Variants in FN3K observed in about 807,000 individuals in gnomAD.
FN3K encodes the protein fructosamine 3 kinase, also known as fructosamine-3-kinase.
FN3K carries 24 observed loss-of-function variants against 24.8 expected under a neutral mutation model. That is an observed-to-expected ratio of 0.97 (90% CI 0.70 to 1.36). FN3K has a LOEUF of 1.36. FN3K is among the 40% of genes most tolerant of loss of function. FN3K has a pLI of 0.00. For missense variants in FN3K, 449 were observed against 416.7 expected (o/e 1.08, Z -0.67); for synonymous variants, 192 against 175.2 (o/e 1.10, Z -0.76).
At chr17:82,736,965 C>T (rs1720425216) in intron 1 of FN3K, among the ~76,000 whole-genome samples, 1 of 152,116 alleles carries the variant, frequency 6.6e-6, no homozygotes, top group African/African-American at 2.4e-5. Context: ...GCTGCTCAGT[C>T]CATGCATAAG....
chr17:82,737,662 G>A (rs141109207), intron 1 of FN3K: 1,896 of 152,204 alleles, frequency 0.012, 22 homozygotes, highest in Non-Finnish European at 0.017. Context: ...AAAACACAGC[G>A]GGGTGGGGTG....
At position 82,750,480 on chromosome 17, in the gene FN3K, T is replaced by C. The variant is rs2047004501; in HGVS notation, c.655T>C (p.Trp219Arg). Residue 219 changes from tryptophan to arginine, a missense_variant, in exon 6 of 6, where the codon TGG becomes CGG. Trp to Arg is a moderately radical substitution (Grantham distance 101). Coordinates refer to ENST00000300784, the MANE Select transcript of FN3K (RefSeq NM_022158.4). Reference protein sequence around the residue: ...IVPALLHGDLWSGNVAEDDVG... With the variant: ...IVPALLHGDLRSGNVAEDDVG... ...CCCCGCGTTGCTCCACGGGGATCTC[T>C]GGTCGGGAAACGTGGCTGAGGACGA... is the stretch of plus-strand genomic sequence containing the variant. The C allele has an allele frequency of 1.2e-6, 2 of 1,614,204 alleles. No individual in the cohort carries two copies. Among genetic ancestry groups the C allele is most frequent in the Non-Finnish European group, 1.7e-6 (2 of 1,180,034 alleles).
Position 82,735,758 on chromosome 17 carries a change from A to T in FN3K, c.122A>T (p.Lys41Ile), listed in dbSNP as rs1467499277. The T allele has an allele frequency of 1.3e-6, 2 of 1,564,320 alleles. No individual in the cohort carries two copies. The highest frequency in any genetic ancestry group is 1.9e-5 in the Admixed American group (1 of 51,926). The change falls in exon 1 of 6, where the codon AAA (lysine) becomes ATA (isoleucine). Residue 41 changes from lysine to isoleucine, a missense_variant. Physicochemically the swap from Lys to Ile is moderately radical, Grantham distance 102 (BLOSUM62 -3). Transcript: ENST00000300784. ...ACGGACGCAGGCCCAGTGTTCGTCA[A>T]AGTCAACCGCAGGACGCAGGTGCTG... ...YDTDAGPVFVKVNRRTQARQM... is the reference protein window; with the variant it reads ...YDTDAGPVFVIVNRRTQARQM...
chr17:82,735,654 C>G lies in FN3K; in HGVS notation c.18C>G (p.Arg6=). 3 of 1,537,556 alleles carry G rather than the reference C, an allele frequency of 2.0e-6. No individual in the cohort carries two copies. The highest frequency in any genetic ancestry group is 2.6e-6 in the Non-Finnish European group (3 of 1,148,598). The change falls in exon 1 of 6, where the codon CGC becomes CGG. Residue 6 remains arginine, a synonymous_variant. Coordinates refer to ENST00000300784, the MANE Select transcript of FN3K (RefSeq NM_022158.4). MEQLL[R]AELRTATLRA... is the part of the protein sequence containing the mutation. ...CGCACTCCATGGAGCAGCTGCTGCG[C>G]GCCGAGCTGCGCACCGCGACCCTGC...
At chr17:82,749,079 TGA>T (rs772229812) in intron 5 of FN3K, 102 bp downstream of exon 5, 2 of 1,544,612 alleles carry the variant, frequency 1.3e-6, no homozygotes, top group South Asian at 2.3e-5. Flanking sequence ...CAGGGAACAC[TGA>T]GTCCTGGAGC....
intron 4 of FN3K, chr17:82,742,797 C>T (rs756871331): frequency 2.2e-5 from 10 of 445,722 alleles, no homozygotes; most frequent in South Asian, 1.4e-4. Flanking sequence ...TTCAAAGTCA[C>T]TGCTTCTTGA....
intron 4 of FN3K, chr17:82,745,179 AGGCAGAG>A (rs2046961791): frequency 6.0e-6 from 1 of 165,346 alleles, no homozygotes; most frequent in Non-Finnish European, 1.3e-5. Flanking sequence ...TGGCTTTCCT[AGGCAGAG>A]GTCCCTGCAG....
intron 3 of FN3K, chr17:82,741,088 G>A: frequency 3.0e-6 from 2 of 662,698 alleles, no homozygotes; most frequent in East Asian, 5.4e-5. Flanking sequence ...GTGTGCTTGA[G>A]GTAATAATAA....
In FN3K at chr17:82,739,562, A is replaced by T. The variant is rs998630585; in HGVS notation, c.293+922A>T. On this transcript the variant is annotated intron_variant, in intron 2 of 5. Coordinates refer to ENST00000300784, the MANE Select transcript of FN3K (RefSeq NM_022158.4). ...AAACTCTGCCTCCTGGGTTGACGCC[A>T]TTCTCCTGCCTCAGCCTCCCGAGTA... 2.0e-5 allele frequency among the ~76,000 whole-genome samples: 3 copies of T among 148,290 alleles called. No homozygotes were observed. The Admixed American group carries it at 2.1e-4, about 10-fold the overall frequency.
chr17:82,737,019 C>T (rs542791827), intron 1 of FN3K, among the ~76,000 whole-genome samples: 7 of 152,220 alleles, frequency 4.6e-5, no homozygotes, highest in African/African-American at 1.4e-4. Flanking sequence ...GCCCCAAGGC[C>T]GGGAGTTCCT....
intron 3 of FN3K, 102 bp from the exon 4 acceptor site, chr17:82,741,209 A>G (rs2046939318): frequency 9.8e-7 from 1 of 1,024,902 alleles, no homozygotes; most frequent in African/African-American, 1.6e-5. Context: ...GACCACCTAT[A>G]TTCTAGCATG....
At chr17:82,744,845 A>G (rs1042308165) in intron 4 of FN3K, among the ~76,000 whole-genome samples, 3 of 152,186 alleles carry the variant, frequency 2.0e-5, no homozygotes, top group African/African-American at 7.2e-5. Flanking sequence ...GTGCTTTTAG[A>G]TATGCATACA....
chr17:82,750,885 C>G lies in FN3K; in HGVS notation c.*130C>G, dbSNP rs573644742. On this transcript the variant is annotated 3_prime_UTR_variant, in exon 6 of 6. Coordinates refer to ENST00000300784, the MANE Select transcript of FN3K (RefSeq NM_022158.4). ...GTCTCCCCGTCCCTCCGTCTCCATCCCCCCGTCCCCCCATCCTCCTGTCCC... is the reference window on the plus strand; with the variant it reads ...GTCTCCCCGTCCCTCCGTCTCCATCGCCCCGTCCCCCCATCCTCCTGTCCC... 2.6e-3 allele frequency: 1,444 copies of G among 547,922 alleles called. 8 individuals carry two copies. The highest frequency in any genetic ancestry group is 3.6e-3 in the Non-Finnish European group (1,161 of 322,070). The allele number at this position is 547,922 out of a possible 1,614,324, so 33.9% of individuals were successfully genotyped here.
At chr17:82,735,851 G>C in intron 1 of FN3K, 74 bp downstream of exon 1, 1 of 1,515,304 alleles carries the variant, frequency 6.6e-7, no homozygotes, top group South Asian at 1.2e-5. Flanking sequence ...TCGGGGGCAG[G>C]CGCATTTCCT....
chr17:82,735,716 A>T lies in FN3K; in HGVS notation c.80A>T (p.Glu27Val), dbSNP rs867929087. The T allele has an allele frequency of 9.0e-6, 14 of 1,553,494 alleles. No individual in the cohort carries two copies. In the African/African-American group the frequency reaches 1.9e-4, roughly 21 times the overall value. The change falls in exon 1 of 6, where the codon GAG becomes GTG. Residue 27 changes from glutamate to valine, a missense_variant. Glu to Val is a moderately radical substitution (Grantham distance 121). Coordinates refer to ENST00000300784, the MANE Select transcript of FN3K (RefSeq NM_022158.4). Reference sequence around the variant, plus strand: ...GGCCCCGGCGCCGGCTGCATCAGCGAGGGCCGAGCCTACGACACGGACGCA... The same window carrying T: ...GGCCCCGGCGCCGGCTGCATCAGCGTGGGCCGAGCCTACGACACGGACGCA... ...FGGPGAGCISEGRAYDTDAGP... is the reference protein window; with the variant it reads ...FGGPGAGCISVGRAYDTDAGP...
rs773282049 is a variant in FN3K, at chr17:82,735,621, C to A, written c.-16C>A. 6.6e-7 allele frequency: 1 copy of A among 1,513,920 alleles called. No homozygotes were observed. The highest frequency in any genetic ancestry group is 2.0e-5 in the Admixed American group (1 of 49,232). 93.8% of individuals were successfully genotyped at this position (1,513,920 alleles called of 1,614,324 possible). A position where few individuals can be genotyped will look rare whatever the true frequency, so the allele number is the denominator to read the frequency against. On this transcript the variant is annotated 5_prime_UTR_variant, in exon 1 of 6. Transcript: ENST00000300784. ...CAGGGGCTTCCGAGCGAGCAGAGTC[C>A]CGCGCCCCGCACTCCATGGAGCAGC... is the stretch of plus-strand genomic sequence containing the variant.
intron 4 of FN3K, among the ~76,000 whole-genome samples, chr17:82,747,651 G>A (rs1386824389): frequency 6.6e-6 from 1 of 152,144 alleles, no homozygotes; most frequent in Admixed American, 6.5e-5. Context: ...CACCCACCTC[G>A]GCCTCCCAAA....
At chr17:82,747,116 C>T (rs898193441) in intron 4 of FN3K, among the ~76,000 whole-genome samples, 2 of 152,238 alleles carry the variant, frequency 1.3e-5, no homozygotes, top group Admixed American at 1.3e-4. Flanking sequence ...AGCCACCGCG[C>T]CTGGCCTCTT....
intron 1 of FN3K, 24 bp downstream of exon 1, chr17:82,735,801 G>A (rs1487766211): frequency 1.3e-6 from 2 of 1,549,742 alleles, no homozygotes; most frequent in South Asian, 1.2e-5. Flanking sequence ...CGCAGGCGGG[G>A]GCTCTGCGGG....
Sources: gnomAD v4.1 joint callset for allele counts (sites outside exome capture counted in the v4.1 genomes callset) on GRCh38, gnomAD v4.1.1 for gene constraint, MANE v1.5 for transcripts, NCBI Gene and HGNC (gene_info 2026-07-23, HGNC 2026-07-21) for gene names.